Variants in BRINP3 observed in about 807,000 individuals in gnomAD.
BRINP3 encodes BMP/retinoic acid inducible neural specific 3.
A neutral mutation model predicts 71.0 loss-of-function variants in BRINP3; 19 were observed. The observed-to-expected ratio is 0.27, with a 90% CI of 0.19 to 0.39. The LOEUF is 0.39. Among genes scored for constraint, BRINP3 ranks in the 10% least tolerant of loss-of-function variants. The probability of loss-of-function intolerance (pLI) is 1.00; values close to 1 mark genes in which losing one functional copy is unlikely to be tolerated. For missense variants in BRINP3, 959 were observed against 940.8 expected, an observed-to-expected ratio of 1.02 and a Z score of -0.25; for synonymous variants, 380 against 337.7, an observed-to-expected ratio of 1.13 and a Z score of -1.37.
intron 6 of BRINP3, among the ~76,000 whole-genome samples, chr1:190,200,137 A>T (rs912550465): frequency 6.6e-6 from 1 of 152,060 alleles, no homozygotes; most frequent in African/African-American, 2.4e-5. Flanking sequence ...CTCAGAGTCT[A>T]CCTGTGCCTT....
At chr1:190,187,618 C>T (rs1375462459) in intron 6 of BRINP3, among the ~76,000 whole-genome samples, 1 of 152,116 alleles carries the variant, frequency 6.6e-6, no homozygotes, top group Non-Finnish European at 1.5e-5. Context: ...TTTCCCAACA[C>T]TATTTATTGA....
At chr1:190,471,355 C>T (rs903527239) in intron 1 of BRINP3, among the ~76,000 whole-genome samples, 2 of 151,134 alleles carry the variant, frequency 1.3e-5, no homozygotes, top group African/African-American at 4.8e-5. Flanking sequence ...ATTAAACTAT[C>T]CTCCTCCTTT....
chr1:190,217,833 T>A (rs1019268144), intron 6 of BRINP3, among the ~76,000 whole-genome samples: 12 of 151,986 alleles, frequency 7.9e-5, no homozygotes, highest in Non-Finnish European at 1.6e-4. Flanking sequence ...AGTCCAAATG[T>A]GAGATAAGAT....
chr1:190,311,965 T>C (rs1665552553), intron 2 of BRINP3, among the ~76,000 whole-genome samples: 1 of 145,440 alleles, frequency 6.9e-6, no homozygotes, highest in South Asian at 2.1e-4. Flanking sequence ...ACATGTTATC[T>C]TAATTAGACA....
chr1:190,268,815 A>C (rs2102889058), intron 3 of BRINP3, among the ~76,000 whole-genome samples: 1 of 152,266 alleles, frequency 6.6e-6, no homozygotes, highest in African/African-American at 2.4e-5. Flanking sequence ...CAGCACAAAA[A>C]ATGTGAAACA....
At chr1:190,401,539 C>T (rs956469439) in intron 2 of BRINP3, among the ~76,000 whole-genome samples, 3 of 151,946 alleles carry the variant, frequency 2.0e-5, no homozygotes, top group African/African-American at 7.3e-5. Context: ...AGAGCATCAC[C>T]AGGAGCTTAA....
intron 6 of BRINP3, among the ~76,000 whole-genome samples, chr1:190,164,954 GT>G (rs941874184): frequency 6.6e-6 from 1 of 151,674 alleles, no homozygotes; most frequent in East Asian, 1.9e-4. Context: ...TTATGTATGT[GT>G]TTTTTTAAAT....
intron 2 of BRINP3, among the ~76,000 whole-genome samples, chr1:190,339,436 A>G (rs1667512536): frequency 6.6e-6 from 1 of 152,018 alleles, no homozygotes; most frequent in Admixed American, 6.6e-5. Context: ...ATCTCAGTTC[A>G]CTGAGTTAAT....
intron 6 of BRINP3, among the ~76,000 whole-genome samples, chr1:190,194,389 T>C (rs1182642184): frequency 1.3e-5 from 2 of 152,038 alleles, no homozygotes; most frequent in Admixed American, 6.6e-5. Flanking sequence ...ACAATTTTTA[T>C]AACAGCCCTA....
chr1:190,336,603 A>G (rs1667298433), intron 2 of BRINP3, among the ~76,000 whole-genome samples: 1 of 152,222 alleles, frequency 6.6e-6, no homozygotes, highest in African/African-American at 2.4e-5. Context: ...TATGTTATTT[A>G]CACAGGGAGA....
At chr1:190,331,902 A>G (rs1235591987) in intron 2 of BRINP3, among the ~76,000 whole-genome samples, 5 of 152,012 alleles carry the variant, frequency 3.3e-5, no homozygotes, top group Non-Finnish European at 7.4e-5. Context: ...AGAAATTCCC[A>G]TAATCTCAAG....
intron 2 of BRINP3, among the ~76,000 whole-genome samples, chr1:190,368,032 T>G (rs1669619355): frequency 6.6e-6 from 1 of 152,174 alleles, no homozygotes; most frequent in Admixed American, 6.5e-5. Flanking sequence ...ACTTCTACAT[T>G]TTGGGGTATC....
rs528492749 is a variant in BRINP3 at position 190,145,457 on chromosome 1, A to G, written c.1184+15211T>C. ...TGTTCTCTTTTGAACTGCTTTCTTT[A>G]GAGTCTGAAATTTCCCTTTGAATTT... On this transcript the variant is annotated intron_variant, in intron 7 of 7. Coordinates refer to ENST00000367462, the MANE Select transcript of BRINP3 (RefSeq NM_199051.3). Among the ~76,000 whole-genome samples, 5 of 152,260 alleles carry G rather than the reference A, an allele frequency of 3.3e-5. No homozygotes were observed. In the East Asian group the frequency reaches 9.7e-4, roughly 29 times the overall value.
intron 6 of BRINP3, among the ~76,000 whole-genome samples, chr1:190,213,795 G>C (rs1166314641): frequency 2.0e-5 from 3 of 152,010 alleles, no homozygotes; most frequent in Non-Finnish European, 4.4e-5. Flanking sequence ...TGGAAAAACA[G>C]CAAATGGGGG....
chr1:190,339,002 T>A (rs924786389), intron 2 of BRINP3, among the ~76,000 whole-genome samples: 1 of 134,772 alleles, frequency 7.4e-6, no homozygotes, highest in Non-Finnish European at 1.6e-5. Context: ...TGATTGCAAA[T>A]GCAAAATAAA....
At chr1:190,112,032 T>C (rs1247825738) in intron 7 of BRINP3, among the ~76,000 whole-genome samples, 1 of 152,094 alleles carries the variant, frequency 6.6e-6, no homozygotes, top group Non-Finnish European at 1.5e-5. Context: ...GTGGAATAAA[T>C]AGATAAAAGG....
chr1:190,173,642 A>G (rs1286628802), intron 6 of BRINP3, among the ~76,000 whole-genome samples: 2 of 152,208 alleles, frequency 1.3e-5, no homozygotes, highest in African/African-American at 4.8e-5. Flanking sequence ...CTTAGAAATT[A>G]TTGAAGACTC....
At chr1:190,413,412 G>A (rs1672816796) in intron 2 of BRINP3, among the ~76,000 whole-genome samples, 1 of 152,004 alleles carries the variant, frequency 6.6e-6, no homozygotes. Context: ...TCTTTAAAAG[G>A]AAAAAGTGTC....
intron 4 of BRINP3, among the ~76,000 whole-genome samples, chr1:190,252,507 CT>C (rs1660239178): frequency 6.6e-6 from 1 of 152,036 alleles, no homozygotes; most frequent in Admixed American, 6.6e-5. Context: ...TCCTGTGAAA[CT>C]TTTCAAAGCT....
Sources: allele counts gnomAD v4.1 joint callset (sites outside exome capture counted in the v4.1 genomes callset), GRCh38; gene constraint gnomAD v4.1.1; transcripts MANE v1.5; gene names NCBI Gene and HGNC (gene_info 2026-07-23, HGNC 2026-07-21).